The following PLEKHD1 variants were observed in gnomAD, a reference collection of about 807,000 sequenced individuals.
PLEKHD1 encodes pleckstrin homology domain-containing family D member 1.
A neutral mutation model predicts 69.2 loss-of-function variants in PLEKHD1; 51 were observed. That is an observed-to-expected ratio of 0.74 (90% CI 0.59 to 0.93). PLEKHD1 has a LOEUF of 0.93. Ranked by LOEUF, PLEKHD1 falls within the 40% of genes least tolerant of loss-of-function variation. The probability of loss-of-function intolerance (pLI) is 0.00; values close to 1 mark genes in which losing one functional copy is unlikely to be tolerated. For synonymous variants in PLEKHD1, 236 were observed against 244.7 expected (o/e 0.96, Z 0.33); for missense variants, 584 against 641.0 (o/e 0.91, Z 0.96).
chr14:69,511,134 C>G (rs527697281), intron 6 of PLEKHD1, among the ~76,000 whole-genome samples: 67 of 151,528 alleles, frequency 4.4e-4, no homozygotes, highest in Non-Finnish European at 8.0e-4. Context: ...ATTTGGTTTT[C>G]TTTGTTTTGT....
chr14:69,519,480 A>T (rs1883460641), intron 6 of PLEKHD1, among the ~76,000 whole-genome samples: 2 of 152,198 alleles, frequency 1.3e-5, no homozygotes, highest in Non-Finnish European at 2.9e-5. Flanking sequence ...GTGCGGGCAC[A>T]TGTAGTACAG....
chr14:69,492,087 A>ACTCTGCCCCG (rs1882789072), intron 1 of PLEKHD1, among the ~76,000 whole-genome samples: 2 of 151,712 alleles, frequency 1.3e-5, no homozygotes, highest in South Asian at 4.2e-4. Context: ...AGGACTACTC[A>ACTCTGCCCCG]CTCTGCCCCG....
In PLEKHD1 at chr14:69,528,535, C is replaced by T; in HGVS notation, c.*116C>T. 4.5e-6 allele frequency: 6 copies of T among 1,333,692 alleles called. No individual in the cohort carries two copies. The South Asian group carries it at 9.1e-5, about 20-fold the overall frequency. 82.6% of individuals were successfully genotyped at this position (1,333,692 alleles called of 1,614,324 possible). A position where few individuals can be genotyped will look rare whatever the true frequency, so the allele number is the denominator to read the frequency against. ...GGCCTCTCTGGTCTGGAGCCTATGTCTCCTCTGGGCCGGAGCTCCACTTGG... is the reference window on the plus strand; with the variant it reads ...GGCCTCTCTGGTCTGGAGCCTATGTTTCCTCTGGGCCGGAGCTCCACTTGG... On this transcript the variant is annotated 3_prime_UTR_variant, in exon 13 of 13. Transcript: ENST00000322564.
chr14:69,470,420 G>C, the PLEKHD1 span, among the ~76,000 whole-genome samples: 1 of 150,110 alleles, frequency 6.7e-6, no homozygotes, highest in Non-Finnish European at 1.5e-5. Flanking sequence ...CTGAGATTGT[G>C]CCACTGCACT....
At chr14:69,484,012 A>G (rs1169891751), upstream of PLEKHD1, among the ~76,000 whole-genome samples, 3 of 152,256 alleles carry the variant, frequency 2.0e-5, no homozygotes, top group Non-Finnish European at 2.9e-5. Flanking sequence ...CTGCACGGAT[A>G]GCTCCAGACT....
At chr14:69,489,782 G>A (rs1882734879) in intron 1 of PLEKHD1, among the ~76,000 whole-genome samples, 4 of 152,046 alleles carry the variant, frequency 2.6e-5, no homozygotes, top group Admixed American at 2.6e-4. Context: ...CTACCACAAG[G>A]GAATGGGGAA....
At chr14:69,488,114 G>A (rs1200512211) in intron 1 of PLEKHD1, among the ~76,000 whole-genome samples, 5 of 152,206 alleles carry the variant, frequency 3.3e-5, no homozygotes, top group Non-Finnish European at 7.3e-5. Context: ...GAGCATCGGT[G>A]GGTCCCTGAC....
chr14:69,490,450 T>C (rs1882753224), intron 1 of PLEKHD1, among the ~76,000 whole-genome samples: 1 of 152,312 alleles, frequency 6.6e-6, no homozygotes, highest in East Asian at 1.9e-4. Flanking sequence ...CACCTGCTCA[T>C]CTCCTGCTGT....
the PLEKHD1 span, among the ~76,000 whole-genome samples, chr14:69,472,241 C>T: frequency 2.0e-5 from 3 of 152,142 alleles, no homozygotes; most frequent in Non-Finnish European, 4.4e-5. Context: ...CACTCACCTG[C>T]CTACACATGT....
intron 6 of PLEKHD1, among the ~76,000 whole-genome samples, chr14:69,505,036 T>C (rs1243266146): frequency 1.3e-5 from 2 of 152,160 alleles, no homozygotes; most frequent in Non-Finnish European, 2.9e-5. Context: ...ATTTAGACAC[T>C]CTATCTAGGT....
intron 8 of PLEKHD1, 96 bp from the exon 9 acceptor site, chr14:69,525,848 G>C: frequency 1.7e-6 from 2 of 1,175,898 alleles, no homozygotes; most frequent in Non-Finnish European, 2.4e-6. Flanking sequence ...ACTGAGAGAG[G>C]AGTGGGTCAC....
At chr14:69,512,957 G>T (rs1169054741) in intron 6 of PLEKHD1, among the ~76,000 whole-genome samples, 1 of 151,976 alleles carries the variant, frequency 6.6e-6, no homozygotes, top group African/African-American at 2.4e-5. Flanking sequence ...AGGGATAGTG[G>T]CATATGCCTG....
upstream of PLEKHD1, among the ~76,000 whole-genome samples, chr14:69,484,435 G>A (rs1055286601): frequency 2.0e-5 from 3 of 152,204 alleles, no homozygotes; most frequent in African/African-American, 7.2e-5. Context: ...CGATGTCGGC[G>A]CTGCTCGCCG....
chr14:69,499,747 A>T (rs1882979767), intron 1 of PLEKHD1, among the ~76,000 whole-genome samples: 1 of 152,196 alleles, frequency 6.6e-6, no homozygotes, highest in Non-Finnish European at 1.5e-5. Flanking sequence ...CTTTTCCTAG[A>T]GGAGACCCTA....
At chr14:69,484,562 A>T, upstream of PLEKHD1, 1 of 157,926 alleles carries the variant, frequency 6.3e-6, no homozygotes, top group Non-Finnish European at 1.4e-5. Flanking sequence ...CCGGCCCTCC[A>T]GCCGGCGCCC....
intron 6 of PLEKHD1, among the ~76,000 whole-genome samples, chr14:69,520,180 A>G (rs1344549023): frequency 6.7e-6 from 1 of 148,754 alleles, no homozygotes; most frequent in Non-Finnish European, 1.5e-5. Context: ...AAAAAAAAAA[A>G]AAAAAAAAAA....
At chr14:69,481,660 C>T (rs960860537), upstream of PLEKHD1, among the ~76,000 whole-genome samples, 2 of 152,174 alleles carry the variant, frequency 1.3e-5, no homozygotes, top group African/African-American at 4.8e-5. Context: ...GTAGACAACG[C>T]TTTTGAACTT....
intron 6 of PLEKHD1, among the ~76,000 whole-genome samples, chr14:69,514,062 T>C (rs1883328547): frequency 6.6e-6 from 1 of 152,158 alleles, no homozygotes; most frequent in Non-Finnish European, 1.5e-5. Context: ...TTTCTAGATA[T>C]GGTTTGTTTA....
chr14:69,485,482 C>A (rs1190641576), intron 1 of PLEKHD1, among the ~76,000 whole-genome samples: 1 of 152,136 alleles, frequency 6.6e-6, no homozygotes. Context: ...AACCCCGGGA[C>A]CCCCACTGTC....
Sources: gnomAD v4.1 joint callset for allele counts (sites outside exome capture counted in the v4.1 genomes callset) on GRCh38, gnomAD v4.1.1 for gene constraint, MANE v1.5 for transcripts, NCBI Gene and HGNC (gene_info 2026-07-23, HGNC 2026-07-21) for gene names.